CTDP1: variants seen among roughly 807,000 people sequenced by gnomAD.
CTDP1 encodes the protein CTD phosphatase 1.
CTDP1 carries 47 observed loss-of-function variants against 91.8 expected under a neutral mutation model. The ratio of observed to expected loss-of-function variants is 0.51; its 90% CI spans 0.41 to 0.65. The LOEUF (loss-of-function observed/expected upper bound fraction) is 0.65. Ranked by LOEUF, CTDP1 falls within the 30% of genes least tolerant of loss-of-function variation. CTDP1 has a pLI of 0.00. For missense variants in CTDP1, 1,272 were observed against 1,373.7 expected, an observed-to-expected ratio of 0.93 and a Z score of 1.17; for synonymous variants, 656 against 598.5, an observed-to-expected ratio of 1.10 and a Z score of -1.40.
intron 6 of CTDP1, among the ~76,000 whole-genome samples, chr18:79,711,472 G>A (rs1027554817): frequency 1.3e-5 from 2 of 152,266 alleles, no homozygotes; most frequent in Non-Finnish European, 2.9e-5. Context: ...GAGGGCAGGC[G>A]TAGGGACGGG....
chr18:79,679,903 G>A lies in CTDP1; in HGVS notation c.-45G>A. On this transcript the variant is annotated 5_prime_UTR_variant, in exon 1 of 13. Transcript: ENST00000613122. ...CCGCGGTAGGCGCTGCGCTCTGAGC[G>A]CAGCGCAGGCCCCGTACCGACCGCC... is the stretch of plus-strand genomic sequence containing the variant. 1.5e-6 allele frequency: 2 copies of A among 1,334,750 alleles called. No homozygotes were observed. Among genetic ancestry groups the A allele is most frequent in the Non-Finnish European group, 1.9e-6 (2 of 1,040,060 alleles). 82.7% of individuals were successfully genotyped at this position (1,334,750 alleles called of 1,614,324 possible). A position where few individuals can be genotyped will look rare whatever the true frequency, so the allele number is the denominator to read the frequency against.
chr18:79,703,295 A>T (rs1264129704), intron 4 of CTDP1, among the ~76,000 whole-genome samples: 3 of 152,216 alleles, frequency 2.0e-5, no homozygotes, highest in Middle Eastern at 3.2e-3. Flanking sequence ...CTAACTTAGA[A>T]CTAGAAAAAT....
At chr18:79,750,516 CAG>C (rs747817521) in intron 12 of CTDP1, among the ~76,000 whole-genome samples, 8 of 151,608 alleles carry the variant, frequency 5.3e-5, no homozygotes, top group Non-Finnish European at 1.0e-4. Context: ...CCCCCCGAGA[CAG>C]AGTCTCGCTC....
chr18:79,700,098 C>G (rs1296676497), intron 4 of CTDP1, among the ~76,000 whole-genome samples: 1 of 152,212 alleles, frequency 6.6e-6, no homozygotes, highest in East Asian at 1.9e-4. Context: ...ACCAACTGGC[C>G]ATTCCCTGTC....
intron 1 of CTDP1, among the ~76,000 whole-genome samples, chr18:79,687,054 CA>C (rs1425179126): frequency 1.4e-5 from 1 of 70,918 alleles, no homozygotes; most frequent in Non-Finnish European, 2.7e-5. Context: ...TTGACTTCTC[CA>C]GTTCACTGGT....
chr18:79,743,036 C>T (rs4021229), intron 12 of CTDP1, among the ~76,000 whole-genome samples: 56,893 of 152,130 alleles, frequency 0.37, 11,621 homozygotes, highest in East Asian at 0.51. Context: ...TGCCAGTAGC[C>T]GCGCCGAGGA....
chr18:79,747,836 A>T (rs1033779418), intron 12 of CTDP1, among the ~76,000 whole-genome samples: 4 of 151,984 alleles, frequency 2.6e-5, no homozygotes, highest in Non-Finnish European at 5.9e-5. Context: ...GTGCCTGTGG[A>T]TTGTTCCATC....
At chr18:79,723,263 G>A (rs892798785) in intron 10 of CTDP1, among the ~76,000 whole-genome samples, 2 of 152,112 alleles carry the variant, frequency 1.3e-5, no homozygotes, top group African/African-American at 4.8e-5. Context: ...ATGGCATCCC[G>A]TCTCACAGTG....
intron 8 of CTDP1, 136 bp downstream of exon 8, chr18:79,715,664 T>C (rs1294154604): frequency 3.9e-6 from 4 of 1,017,270 alleles, no homozygotes; most frequent in Non-Finnish European, 5.7e-6. Flanking sequence ...CTTTTAAGAA[T>C]AGATCATGAC....
At chr18:79,722,971 C>G (rs2086375426) in intron 10 of CTDP1, among the ~76,000 whole-genome samples, 1 of 151,916 alleles carries the variant, frequency 6.6e-6, no homozygotes, top group East Asian at 1.9e-4. Context: ...ATCCAAGAGT[C>G]CCCCCTGCTT....
chr18:79,679,624 C>T (rs975194429), upstream of CTDP1: 2 of 486,926 alleles, frequency 4.1e-6, no homozygotes, highest in African/African-American at 2.0e-5. Flanking sequence ...CATGCCGCTG[C>T]TCCACGGTGC....
At chr18:79,679,342 C>T, upstream of CTDP1, 1 of 445,818 alleles carries the variant, frequency 2.2e-6, no homozygotes, top group South Asian at 1.6e-5. Context: ...TCTCTGGGCC[C>T]GCGGCGCGCA....
chr18:79,695,120 A>G, intron 1 of CTDP1, 105 bp from the exon 2 acceptor site: 4 of 944,396 alleles, frequency 4.2e-6, no homozygotes, highest in Non-Finnish European at 6.8e-6. Context: ...TGCAAGGGTT[A>G]GTGTAGAATT....
chr18:79,750,978 A>G (rs1362636547), intron 12 of CTDP1, among the ~76,000 whole-genome samples: 1 of 48,802 alleles, frequency 2.0e-5, no homozygotes, highest in South Asian at 7.7e-4. Flanking sequence ...CAGGCTTGGG[A>G]GGGAGGGGCT....
intron 10 of CTDP1, 65 bp from the exon 11 acceptor site, chr18:79,728,842 T>G: frequency 1.3e-6 from 2 of 1,521,074 alleles, no homozygotes; most frequent in Non-Finnish European, 1.8e-6. Flanking sequence ...AGGAGTCTGA[T>G]TCGGTGCGGA....
chr18:79,689,634 A>G (rs945963286), intron 1 of CTDP1, among the ~76,000 whole-genome samples: 2 of 152,130 alleles, frequency 1.3e-5, no homozygotes, highest in East Asian at 3.9e-4. Flanking sequence ...AAAAATACAA[A>G]AATAGGCGTG....
At position 79,750,525 on chromosome 18, in the gene CTDP1, G is replaced by A. The variant is rs562440965; in HGVS notation, c.2748-3127G>A. 7.3e-5 allele frequency among the ~76,000 whole-genome samples: 11 copies of A among 150,722 alleles called. No individual in the cohort carries two copies. In the South Asian group the frequency reaches 1.7e-3, roughly 23 times the overall value. The stretch of plus-strand genomic sequence containing the variant: ...TTTTTCCCCCCCGAGACAGAGTCTC[G>A]CTCTGTCACCCAGGCTGGAGTGCAG... On this transcript the variant is annotated intron_variant, in intron 12 of 12. Transcript: ENST00000613122.
At chr18:79,755,778 G>C (rs933921396), downstream of CTDP1, 1 of 152,446 alleles carries the variant, frequency 6.6e-6, no homozygotes, top group Non-Finnish European at 1.5e-5. Flanking sequence ...TGGAAATACA[G>C]GTGGTGCTGC....
intron 11 of CTDP1, among the ~76,000 whole-genome samples, chr18:79,734,190 G>A (rs35814220): frequency 0.3 from 45,578 of 152,180 alleles, 7,995 homozygotes; most frequent in East Asian, 0.41. Flanking sequence ...ATGTCTGAGC[G>A]TGGAAGGCGG....
Sources: allele counts gnomAD v4.1 joint callset (sites outside exome capture counted in the v4.1 genomes callset), GRCh38; gene constraint gnomAD v4.1.1; transcripts MANE v1.5; gene names NCBI Gene and HGNC (gene_info 2026-07-23, HGNC 2026-07-21).